The following ZFP91 variants were observed in gnomAD, a reference collection of about 807,000 sequenced individuals.
The protein encoded by ZFP91 is ZFP91 zinc finger protein, atypical E3 ubiquitin ligase, also known as E3 ubiquitin-protein ligase ZFP91.
In ZFP91, 7 loss-of-function variants were observed where a neutral mutation model predicts 63.5. The ratio of observed to expected loss-of-function variants is 0.11; its 90% CI spans 0.06 to 0.21. The LOEUF is 0.21. ZFP91 is among the 10% of genes least tolerant of loss of function. The pLI is 1.00. For missense variants in ZFP91, 628 were observed against 736.6 expected (o/e 0.85, Z 1.71); for synonymous variants, 330 against 272.1 (o/e 1.21, Z -2.10).
At chr11:58,614,815 C>G (rs969562615) in intron 9 of ZFP91, among the ~76,000 whole-genome samples, 3 of 152,046 alleles carry the variant, frequency 2.0e-5, no homozygotes, top group African/African-American at 7.2e-5. Context: ...ATGTAAACTC[C>G]CATAGGAACT....
In ZFP91 at chr11:58,614,219, TC is replaced by T; in HGVS notation, c.988-9del. On this transcript the variant is annotated splice_polypyrimidine_tract_variant and intron_variant, in intron 8 of 10. Transcript: ENST00000316059. ...TTTTTTTTTCGCCCCTTTCACTTTC[TC>T]TGTTTTAGCACCACATTAAATACCA... 1 of 1,538,800 alleles carries T rather than the reference TC, an allele frequency of 6.5e-7. No individual in the cohort carries two copies. Among genetic ancestry groups the T allele is most frequent in the South Asian group, 1.3e-5 (1 of 79,794 alleles).
At chr11:58,609,798 A>G (rs1866070529) in intron 2 of ZFP91, 32 bp from the exon 3 acceptor site, 2 of 1,594,228 alleles carry the variant, frequency 1.3e-6, no homozygotes, top group Admixed American at 3.3e-5. Flanking sequence ...TTAACTGTAA[A>G]CTTAAAGAGA....
At chr11:58,611,479 A>G in intron 5 of ZFP91, 125 bp from the exon 6 acceptor site, 2 of 1,240,236 alleles carry the variant, frequency 1.6e-6, no homozygotes, top group Admixed American at 2.5e-5. Flanking sequence ...GTAGGAAATC[A>G]CATTTCATGA....
At chr11:58,603,848 A>G (rs143726624) in intron 2 of ZFP91, among the ~76,000 whole-genome samples, 135 of 152,322 alleles carry the variant, frequency 8.9e-4, no homozygotes, top group Middle Eastern at 6.8e-3. Flanking sequence ...TGTGTAATCT[A>G]TAAGTGTCCC....
At chr11:58,612,631 A>G (rs1855685245) in intron 7 of ZFP91, 131 bp from the exon 8 acceptor site, 2 of 695,066 alleles carry the variant, frequency 2.9e-6, no homozygotes, top group South Asian at 1.9e-5. Flanking sequence ...TAATCTGTAT[A>G]GTAGTAAAGA....
intron 2 of ZFP91, among the ~76,000 whole-genome samples, chr11:58,608,530 A>G (rs1450139347): frequency 6.6e-6 from 1 of 152,174 alleles, no homozygotes; most frequent in African/African-American, 2.4e-5. Flanking sequence ...AATATGATAC[A>G]TGAAAAATGG....
chr11:58,620,812 T>C lies in ZFP91; in HGVS notation c.*3106T>C. 6.5e-6 allele frequency: 1 copy of C among 152,672 alleles called. No homozygotes were observed. Among genetic ancestry groups the C allele is most frequent in the African/African-American group, 2.4e-5 (1 of 41,462 alleles). 9.5% of individuals were successfully genotyped at this position (152,672 alleles called of 1,614,324 possible). A position where few individuals can be genotyped will look rare whatever the true frequency, so the allele number is the denominator to read the frequency against. On this transcript the variant is annotated 3_prime_UTR_variant, in exon 11 of 11. Transcript: ENST00000316059. The stretch of plus-strand genomic sequence containing the variant: ...ATTGAACAAATGTAATGGATCAATT[T>C]AAAATATTTTATTTCTTAAAAGCCT...
At chr11:58,605,879 T>G (rs1214872331) in intron 2 of ZFP91, among the ~76,000 whole-genome samples, 1 of 152,190 alleles carries the variant, frequency 6.6e-6, no homozygotes. Context: ...GTTGGCATGC[T>G]TAATGGTTGT....
At chr11:58,582,377 T>A (rs1004322764) in intron 1 of ZFP91, among the ~76,000 whole-genome samples, 5 of 152,232 alleles carry the variant, frequency 3.3e-5, no homozygotes. Context: ...CCAAATGACA[T>A]TTTGAAAATT....
chr11:58,584,592 C>T (rs1030577192), intron 1 of ZFP91, among the ~76,000 whole-genome samples: 3 of 152,044 alleles, frequency 2.0e-5, no homozygotes, highest in Admixed American at 6.5e-5. Flanking sequence ...AGTTATGTAG[C>T]CACATGTGGC....
Position 58,619,949 on chromosome 11 carries a change from A to C in ZFP91, c.*2243A>C, listed in dbSNP as rs538570136. Reference sequence around the variant, plus strand: ...GTCACACTTATCCTTTGTCTCCGTAAATTTCATTTGCAGTGGTTAGTCATC... The same window carrying C: ...GTCACACTTATCCTTTGTCTCCGTACATTTCATTTGCAGTGGTTAGTCATC... On this transcript the variant is annotated 3_prime_UTR_variant, in exon 11 of 11. Transcript: ENST00000316059. The C allele has an allele frequency of 2.6e-4, 39 of 152,304 alleles. No individual in the cohort carries two copies. Among genetic ancestry groups the C allele is most frequent in the Middle Eastern group, 3.4e-3 (1 of 294 alleles). 9.4% of individuals were successfully genotyped at this position (152,304 alleles called of 1,614,324 possible). A position where few individuals can be genotyped will look rare whatever the true frequency, so the allele number is the denominator to read the frequency against.
intron 2 of ZFP91, among the ~76,000 whole-genome samples, chr11:58,586,383 G>T (rs140295619): frequency 6.6e-6 from 1 of 152,112 alleles, no homozygotes; most frequent in East Asian, 1.9e-4. Flanking sequence ...AGCCAGGCTG[G>T]ATTCGAGCTC....
chr11:58,596,110 A>G (rs1241379225), intron 2 of ZFP91, among the ~76,000 whole-genome samples: 2 of 152,212 alleles, frequency 1.3e-5, no homozygotes, highest in African/African-American at 4.8e-5. Context: ...TGTGTATTAT[A>G]TCCTGTATTC....
At chr11:58,593,971 A>C (rs1397776769) in intron 2 of ZFP91, among the ~76,000 whole-genome samples, 1 of 152,132 alleles carries the variant, frequency 6.6e-6, no homozygotes, top group Non-Finnish European at 1.5e-5. Flanking sequence ...CCCTCTTTAA[A>C]GCCATTATTA....
At chr11:58,592,531 G>A (rs2510557) in intron 2 of ZFP91, among the ~76,000 whole-genome samples, 73,782 of 152,028 alleles carry the variant, frequency 0.49, 18,750 homozygotes, top group African/African-American at 0.65. Flanking sequence ...TCGTGACAAC[G>A]TGGGTGGAAC....
At position 58,579,421 on chromosome 11, in the gene ZFP91, G is replaced by A. The variant is rs1349873543; in HGVS notation, c.140G>A (p.Ser47Asn). ...VAAAPAGTTS[S>N]RVLRGGRDRG... The stretch of plus-strand genomic sequence containing the variant: ...GCGGCGCCTGCAGGGACCACTAGCA[G>A]CCGCGTGCTGAGGGGAGGTCGGGAC... Residue 47 changes from serine to asparagine, a missense_variant, in exon 1 of 11, where the codon AGC becomes AAC. This residue lies in a region of ZFP91 where 437 missense variants were observed against 380.3 expected (regional missense o/e 1.15). Transcript: ENST00000316059. 4 of 1,448,890 alleles carry A rather than the reference G, an allele frequency of 2.8e-6. No homozygotes were observed. The highest frequency in any genetic ancestry group is 2.9e-5 in the Admixed American group (1 of 34,782). 89.8% of individuals were successfully genotyped at this position (1,448,890 alleles called of 1,614,324 possible). A position where few individuals can be genotyped will look rare whatever the true frequency, so the allele number is the denominator to read the frequency against.
chr11:58,618,625 G>A lies in ZFP91; in HGVS notation c.*919G>A, dbSNP rs1855794087. ...TGCTATATTTTGTGGGGCTGGGAGA[G>A]AGAGATTAGATTATTTTGACATGGG... On this transcript the variant is annotated 3_prime_UTR_variant, in exon 11 of 11. Transcript: ENST00000316059. 3 of 454,446 alleles carry A rather than the reference G, an allele frequency of 6.6e-6. No individual in the cohort carries two copies. In the East Asian group the frequency reaches 2.1e-4, roughly 32 times the overall value. 28.2% of individuals were successfully genotyped at this position (454,446 alleles called of 1,614,324 possible).
chr11:58,608,368 C>T (rs1855602692), intron 2 of ZFP91, among the ~76,000 whole-genome samples: 2 of 151,738 alleles, frequency 1.3e-5, no homozygotes, highest in African/African-American at 2.4e-5. Flanking sequence ...AGTTGAACAT[C>T]ATGTGGAAAG....
chr11:58,607,665 A>G (rs1024076103), intron 2 of ZFP91, among the ~76,000 whole-genome samples: 2 of 152,160 alleles, frequency 1.3e-5, no homozygotes, highest in South Asian at 4.1e-4. Context: ...TAAAGCTAAA[A>G]TAGCCTATAG....
Sources: allele counts gnomAD v4.1 joint callset (sites outside exome capture counted in the v4.1 genomes callset), GRCh38; gene constraint gnomAD v4.1.1; regional missense constraint gnomAD v4.1.1; transcripts MANE v1.5; gene names NCBI Gene and HGNC (gene_info 2026-07-23, HGNC 2026-07-21).